The following MYOF variants were observed in gnomAD, a reference collection of about 807,000 sequenced individuals.
MYOF encodes myoferlin, also known as fer-1-like 3, myoferlin.
A neutral mutation model predicts 284.2 loss-of-function variants in MYOF; 244 were observed. That is an observed-to-expected ratio of 0.86 (90% confidence interval 0.77 to 0.95). The LOEUF is 0.95. Among genes scored for constraint, MYOF ranks in the 40% least tolerant of loss-of-function variants. The pLI is 0.00. For missense variants in MYOF, 2,496 were observed against 2,560.6 expected (o/e 0.97, Z 0.54); for synonymous variants, 904 against 919.7 (o/e 0.98, Z 0.31).
intron 25 of MYOF, among the ~76,000 whole-genome samples, chr10:93,369,110 CTTTTTTTT>C (rs66923086): frequency 2.6e-5 from 2 of 78,306 alleles, no homozygotes; most frequent in Non-Finnish European, 2.1e-5. Context: ...ATTCAGACAG[CTTTTTTTT>C]TTTTTTTTTT....
chr10:93,306,451 A>AGTTT lies in MYOF; in HGVS notation c.*508_*511dup, dbSNP rs1325667565. 1 of 152,568 alleles carries AGTTT rather than the reference A, an allele frequency of 6.6e-6. No individual in the cohort carries two copies. Among genetic ancestry groups the AGTTT allele is most frequent in the Non-Finnish European group, 1.5e-5 (1 of 68,280 alleles). 9.5% of individuals were successfully genotyped at this position (152,568 alleles called of 1,614,324 possible). A position where few individuals can be genotyped will look rare whatever the true frequency, so the allele number is the denominator to read the frequency against. ...GTGTAAAGGTGAAACATTTTTATTT[A>AGTTT]GTTTCATTACAGAGGTTAAATAGAC... On this transcript the variant is annotated 3_prime_UTR_variant, in exon 54 of 54. Transcript: ENST00000359263.
intron 7 of MYOF, among the ~76,000 whole-genome samples, chr10:93,404,831 T>C (rs935351165): frequency 6.6e-6 from 1 of 152,206 alleles, no homozygotes; most frequent in Non-Finnish European, 1.5e-5. Flanking sequence ...ATTTTGCCCA[T>C]TAGATTAAGT....
At chr10:93,354,915 G>A (rs1844727632) in intron 31 of MYOF, among the ~76,000 whole-genome samples, 1 of 152,278 alleles carries the variant, frequency 6.6e-6, no homozygotes. Context: ...ATATGTACAG[G>A]TCCTAGCCCA....
In MYOF at chr10:93,333,223, G is replaced by A. The variant is rs1228422525; in HGVS notation, c.4809C>T (p.Gly1603=). The A allele has an allele frequency of 1.9e-6, 3 of 1,612,772 alleles. No homozygotes were observed. The highest frequency in any genetic ancestry group is 2.5e-6 in the Non-Finnish European group (3 of 1,178,864). The change falls in exon 43 of 54, where the codon GGC becomes GGT. Residue 1603 remains glycine (G), a splice_region_variant and synonymous_variant. Transcript: ENST00000359263. ...YIPNTLNPVF[G]RMYELSCYLP... Reference sequence around the variant, plus strand: ...AAACATTTAAGAATGTATATTACCTGCCAAAGACTGGGTTGAGAGTGTTGG... The same window carrying A: ...AAACATTTAAGAATGTATATTACCTACCAAAGACTGGGTTGAGAGTGTTGG...
At chr10:93,329,967 G>A in intron 43 of MYOF, 133 bp from the exon 44 acceptor site, 1 of 751,914 alleles carries the variant, frequency 1.3e-6, no homozygotes, top group South Asian at 1.7e-5. Flanking sequence ...GGATAACCAG[G>A]GTGGGTGGTG....
In MYOF at chr10:93,311,542, T is replaced by A. The variant is rs377486097; in HGVS notation, c.5890-899A>T. 1.1e-4 allele frequency among the ~76,000 whole-genome samples: 16 copies of A among 147,352 alleles called. No individual in the cohort carries two copies. The East Asian group carries it at 2.0e-3, about 18-fold the overall frequency. On this transcript the variant is annotated intron_variant, in intron 51 of 53. Transcript: ENST00000359263. ...AGGCAGAGGTTGCAGTAAGCAGAGATCGCACCACTGCACTCCAGCCTGGGT... is the reference window on the plus strand; with the variant it reads ...AGGCAGAGGTTGCAGTAAGCAGAGAACGCACCACTGCACTCCAGCCTGGGT...
At chr10:93,396,708 T>C (rs1398337291) in intron 15 of MYOF, among the ~76,000 whole-genome samples, 2 of 152,222 alleles carry the variant, frequency 1.3e-5, no homozygotes, top group Non-Finnish European at 2.9e-5. Context: ...TTTGTCATGT[T>C]TCCACTGTCA....
intron 3 of MYOF, among the ~76,000 whole-genome samples, chr10:93,443,268 G>T (rs764870): frequency 0.97 from 147,228 of 152,244 alleles, 71,377 homozygotes; most frequent in East Asian, 1. Flanking sequence ...ACCTACATTA[G>T]GGAGGCAAAA....
intron 21 of MYOF, among the ~76,000 whole-genome samples, chr10:93,378,992 T>G (rs1327473862): frequency 6.6e-6 from 1 of 152,000 alleles, no homozygotes; most frequent in African/African-American, 2.4e-5. Flanking sequence ...CTGGGATTAC[T>G]GGCGTGAGCC....
At chr10:93,371,396 A>G (rs539828392) in intron 24 of MYOF, among the ~76,000 whole-genome samples, 1 of 152,362 alleles carries the variant, frequency 6.6e-6, no homozygotes, top group African/African-American at 2.4e-5. Context: ...TCCTTATCAT[A>G]TACTTCAACC....
At chr10:93,431,659 C>T (rs888079096) in intron 3 of MYOF, 143 bp from the exon 4 acceptor site, 44 of 601,184 alleles carry the variant, frequency 7.3e-5, no homozygotes, top group Non-Finnish European at 7.6e-5. Context: ...CTATTAGCCT[C>T]GCAGGGCATT....
chr10:93,332,226 A>ATTT (rs10657534), intron 43 of MYOF, among the ~76,000 whole-genome samples: 1,898 of 147,734 alleles, frequency 0.013, 12 homozygotes, highest in Non-Finnish European at 0.014. Flanking sequence ...TCATTCTTTT[A>ATTT]TTTTTTTTTT....
Position 93,355,733 on chromosome 10 carries a change from C to T in MYOF, c.3298G>A (p.Ala1100Thr). The change falls in exon 31 of 54, where the codon GCA (alanine) becomes ACA (threonine). Residue 1100 changes from alanine (A) to threonine (T), a missense_variant. Ala to Thr is a moderately conservative substitution (Grantham distance 58). This residue lies in a region of MYOF where 2,436 missense variants were observed against 2,480.7 expected (regional missense o/e 0.98). Coordinates refer to ENST00000359263, the MANE Select transcript of MYOF (RefSeq NM_013451.4). ...AIFKLEGALG[A>T]DTTEDGDEKS... ...TCATCCCCATCTTCGGTAGTGTCTG[C>T]CCCCTGAAGTCAATTAACAGAGTCA... 6.2e-7 allele frequency: 1 copy of T among 1,611,122 alleles called. No homozygotes were observed. Among genetic ancestry groups the T allele is most frequent in the Non-Finnish European group, 8.5e-7 (1 of 1,178,038 alleles).
chr10:93,457,040 C>G, intron 1 of MYOF, 103 bp from the exon 2 acceptor site: 1 of 742,638 alleles, frequency 1.3e-6, no homozygotes, highest in Non-Finnish European at 2.2e-6. Flanking sequence ...TCTACTTGCA[C>G]CCACATCTCC....
chr10:93,396,264 G>A (rs61865239), intron 15 of MYOF, 40 bp from the exon 16 acceptor site: 14,635 of 1,402,046 alleles, frequency 0.01, 108 homozygotes, highest in Admixed American at 0.017. Context: ...AAAATAAAAG[G>A]TTCAGAGCTC....
At chr10:93,315,966 GAA>G (rs34283358) in intron 50 of MYOF, among the ~76,000 whole-genome samples, 35 of 141,590 alleles carry the variant, frequency 2.5e-4, no homozygotes, top group Non-Finnish European at 2.1e-4. Context: ...ACTAAAAAGT[GAA>G]AAAAAAAAAA....
At chr10:93,476,198 C>T (rs11187447) in intron 1 of MYOF, among the ~76,000 whole-genome samples, 59,856 of 150,454 alleles carry the variant, frequency 0.4, 13,751 homozygotes, top group South Asian at 0.56. Flanking sequence ...CTGGACAAAC[C>T]ACAGTGAATA....
chr10:93,322,422 G>A (rs909797183), intron 48 of MYOF, among the ~76,000 whole-genome samples: 7 of 152,122 alleles, frequency 4.6e-5, no homozygotes, highest in Non-Finnish European at 1.0e-4. Context: ...TAACTACCTT[G>A]CCCAGACAGT....
intron 18 of MYOF, among the ~76,000 whole-genome samples, chr10:93,388,522 C>T (rs986929372): frequency 2.0e-5 from 3 of 152,330 alleles, no homozygotes; most frequent in African/African-American, 7.2e-5. Flanking sequence ...CCTCCACAGC[C>T]AGTCTTTTAC....
Sources: gnomAD v4.1 joint callset for allele counts (sites outside exome capture counted in the v4.1 genomes callset) on GRCh38, gnomAD v4.1.1 for gene constraint, gnomAD v4.1.1 regional missense constraint, MANE v1.5 for transcripts, NCBI Gene and HGNC (gene_info 2026-07-23, HGNC 2026-07-21) for gene names.